Variants in CDK15 observed in about 807,000 individuals in gnomAD.
The protein encoded by CDK15 is cyclin dependent kinase 15.
CDK15 carries 62 observed loss-of-function variants against 60.3 expected under a neutral mutation model. That is an observed-to-expected ratio of 1.03 (90% confidence interval 0.84 to 1.27). The LOEUF (loss-of-function observed/expected upper bound fraction) is 1.27, where lower values mean the gene tolerates loss of function less well. CDK15 is among the 50% of genes most tolerant of loss of function. The pLI is 0.00. For missense variants in CDK15, 541 were observed against 527.8 expected, an observed-to-expected ratio of 1.03 and a Z score of -0.25; for synonymous variants, 194 against 195.7, an observed-to-expected ratio of 0.99 and a Z score of 0.07.
intron 13 of CDK15, among the ~76,000 whole-genome samples, chr2:201,891,338 G>A (rs1202409753): frequency 6.6e-6 from 1 of 152,196 alleles, no homozygotes; most frequent in East Asian, 1.9e-4. Flanking sequence ...AAATCTATTT[G>A]TATAGACTCT....
At chr2:201,825,375 G>T (rs1696429516) in intron 6 of CDK15, among the ~76,000 whole-genome samples, 1 of 151,094 alleles carries the variant, frequency 6.6e-6, no homozygotes, top group Non-Finnish European at 1.5e-5. Flanking sequence ...GCAGTGAGAA[G>T]CAAAGTGCTA....
intron 9 of CDK15, among the ~76,000 whole-genome samples, chr2:201,847,751 C>A (rs1440127005): frequency 1.3e-5 from 2 of 152,158 alleles, no homozygotes; most frequent in African/African-American, 4.8e-5. Flanking sequence ...CCTCCCAGGG[C>A]AATTTCTGCC....
In CDK15 at chr2:201,867,853, C is replaced by T. The variant is rs78696845; in HGVS notation, c.1010-4425C>T. Among the ~76,000 whole-genome samples the T allele has an allele frequency of 7.6e-3, 1,156 of 152,260 alleles. 9 individuals carry two copies. Among genetic ancestry groups the T allele is most frequent in the African/African-American group, 0.026 (1,086 of 41,526 alleles). ...CTTACTGAGCCCCTACGACTGGCCACGTGCTTAATCTTTTGTAATTCTCCC... is the reference window on the plus strand; with the variant it reads ...CTTACTGAGCCCCTACGACTGGCCATGTGCTTAATCTTTTGTAATTCTCCC... On this transcript the variant is annotated intron_variant, in intron 10 of 13. Transcript: ENST00000652192.
intron 10 of CDK15, among the ~76,000 whole-genome samples, chr2:201,866,491 G>A (rs1005835916): frequency 6.6e-6 from 1 of 152,108 alleles, no homozygotes; most frequent in East Asian, 1.9e-4. Context: ...TAAATGCTCT[G>A]CTTTATTACT....
At chr2:201,840,756 C>G (rs1360982912) in intron 8 of CDK15, among the ~76,000 whole-genome samples, 3 of 152,098 alleles carry the variant, frequency 2.0e-5, no homozygotes, top group African/African-American at 7.2e-5. Flanking sequence ...TTGCTTTTAG[C>G]CTTATTATCT....
chr2:201,828,033 T>C (rs572424664), intron 6 of CDK15, among the ~76,000 whole-genome samples: 2 of 152,298 alleles, frequency 1.3e-5, no homozygotes, highest in Admixed American at 6.5e-5. Flanking sequence ...CTCTTGGTAA[T>C]GTGAGCATGA....
intron 4 of CDK15, among the ~76,000 whole-genome samples, chr2:201,819,039 A>G (rs989359241): frequency 6.6e-6 from 1 of 152,176 alleles, no homozygotes; most frequent in Non-Finnish European, 1.5e-5. Flanking sequence ...ACAGACAATA[A>G]ACAAATATTT....
rs142542246 is a variant in CDK15, at chr2:201,882,216, TGA to T, written c.1198+2058_1198+2059del. 2.0e-3 allele frequency among the ~76,000 whole-genome samples: 309 copies of T among 151,348 alleles called. 3 individuals are homozygous for T. Among genetic ancestry groups the T allele is most frequent in the African/African-American group, 7.1e-3 (290 of 41,122 alleles). On this transcript the variant is annotated intron_variant, in intron 12 of 13. Transcript: ENST00000652192. This position sits in a 1 kb window ranked among gnomAD's most constrained non-coding sequence, Gnocchi z 4.0. Reference sequence around the variant, plus strand: ...GTGTGCGTATGTGTGTGTGTGTGTGTGAGAGAGAGACAGAGAGAACAATCTGT... The same window carrying T: ...GTGTGCGTATGTGTGTGTGTGTGTGTGAGAGAGACAGAGAGAACAATCTGT...
chr2:201,841,951 T>G (rs963608881), intron 8 of CDK15, among the ~76,000 whole-genome samples: 7 of 152,238 alleles, frequency 4.6e-5, no homozygotes, highest in South Asian at 4.1e-4. Flanking sequence ...TTAGGATTAT[T>G]AAATGGTGTG....
intron 10 of CDK15, chr2:201,861,648 C>T: frequency 1.9e-6 from 1 of 516,012 alleles, no homozygotes; most frequent in Non-Finnish European, 2.5e-6. Context: ...GCAGCCTCCG[C>T]CTCCTGGGTA....
intron 10 of CDK15, chr2:201,861,319 A>G: frequency 1.0e-6 from 1 of 989,132 alleles, no homozygotes; most frequent in Non-Finnish European, 1.2e-6. Flanking sequence ...CCGATTCTAC[A>G]GATGAGGAAA....
rs781106888 is a variant in CDK15, at chr2:201,835,608, G to A, written c.731-35G>A. 7 of 1,559,432 alleles carry A rather than the reference G, an allele frequency of 4.5e-6. No homozygotes were observed. The Admixed American group carries it at 1.2e-4, about 26-fold the overall frequency. On this transcript the variant is annotated intron_variant, in intron 7 of 13. Coordinates refer to ENST00000652192, the MANE Select transcript of CDK15 (RefSeq NM_001366386.2). The stretch of plus-strand genomic sequence containing the variant: ...GCATCATGGTGCAAGCCAAGGTCCA[G>A]AACGATGGGTTTTATGCTTTTCCCT...
chr2:201,822,459 AT>A (rs1559118228), intron 4 of CDK15, among the ~76,000 whole-genome samples: 1 of 152,218 alleles, frequency 6.6e-6, no homozygotes, highest in Non-Finnish European at 1.5e-5. Flanking sequence ...AAAGCCCTTT[AT>A]CTCTCCAGGC....
rs1224713115 is a variant in CDK15, at chr2:201,835,704, G to A, written c.792G>A (p.Trp264Ter). The A allele has an allele frequency of 6.2e-7, 1 of 1,611,176 alleles. No individual in the cohort carries two copies. Among genetic ancestry groups the A allele is most frequent in the Non-Finnish European group, 8.5e-7 (1 of 1,178,250 alleles). The change falls in exon 8 of 14, where the codon TGG becomes TGA. Residue 264 changes from tryptophan to a stop codon, truncating the protein, a stop_gained. Coordinates refer to ENST00000652192, the MANE Select transcript of CDK15 (RefSeq NM_001366386.2). LOFTEE classifies it high-confidence loss of function. ...ACTCTTCAGAAGTCGTGACCCTCTG[G>A]TACCGGCCCCCTGATGCTTTGCTGG... ...QTYSSEVVTL[W>*]YRPPDALLGA...
In CDK15 at chr2:201,882,684, T is replaced by G. The variant is rs1483438306; in HGVS notation, c.1198+2517T>G. ...TCGTGCACATGAGTGCACGAGCATG[T>G]GTGTGTGCTTGTGTATGTGTGTGAC... On this transcript the variant is annotated intron_variant, in intron 12 of 13. Coordinates refer to ENST00000652192, the MANE Select transcript of CDK15 (RefSeq NM_001366386.2). The surrounding 1 kb of genome is among the most constrained non-coding windows in gnomAD (Gnocchi z 4.0). 6.7e-6 allele frequency among the ~76,000 whole-genome samples: 1 copy of G among 148,454 alleles called. No individual in the cohort carries two copies. The highest frequency in any genetic ancestry group is 2.2e-4 in the South Asian group (1 of 4,608).
chr2:201,835,799 C>T (rs1696982684), intron 8 of CDK15, 36 bp downstream of exon 8: 2 of 1,440,932 alleles, frequency 1.4e-6, no homozygotes, highest in Non-Finnish European at 1.9e-6. Context: ...AGTCATCCTA[C>T]TCACGAGGGT....
At chr2:201,839,663 TAGAC>T (rs139883044) in intron 8 of CDK15, among the ~76,000 whole-genome samples, 96 of 146,984 alleles carry the variant, frequency 6.5e-4, no homozygotes, top group Middle Eastern at 3.4e-3. Flanking sequence ...AGAAAAGATA[TAGAC>T]AGACAGACAG....
intron 12 of CDK15, among the ~76,000 whole-genome samples, chr2:201,883,965 C>A (rs1282549384): frequency 6.6e-6 from 1 of 152,220 alleles, no homozygotes; most frequent in African/African-American, 2.4e-5. Flanking sequence ...AGTAGGAAAT[C>A]ATTAAGCTGC....
chr2:201,836,629 C>T (rs972265032), intron 8 of CDK15, among the ~76,000 whole-genome samples: 1 of 151,270 alleles, frequency 6.6e-6, no homozygotes, highest in African/African-American at 2.4e-5. Flanking sequence ...CCTCCTAGCT[C>T]CTCTCTTTAA....
Sources: allele counts gnomAD v4.1 joint callset (sites outside exome capture counted in the v4.1 genomes callset), GRCh38; gene constraint gnomAD v4.1.1; non-coding constraint Gnocchi (gnomAD v3.1); transcripts MANE v1.5; gene names NCBI Gene and HGNC (gene_info 2026-07-23, HGNC 2026-07-21).